Variants in ANKFN1 observed in about 807,000 individuals in gnomAD.
The protein encoded by ANKFN1 is ankyrin repeat and fibronectin type-III domain-containing protein 1.
ANKFN1 carries 74 observed loss-of-function variants against 108.7 expected under a neutral mutation model. The observed-to-expected ratio is 0.68, with a 90% confidence interval of 0.56 to 0.83. The LOEUF (loss-of-function observed/expected upper bound fraction) is 0.83, where lower values mean the gene tolerates loss of function less well. ANKFN1 is among the 40% of genes least tolerant of loss of function. ANKFN1 has a pLI of 0.00. For missense variants in ANKFN1, 1,505 were observed against 1,382.3 expected, an observed-to-expected ratio of 1.09 and a Z score of -1.41; for synonymous variants, 547 against 516.2, an observed-to-expected ratio of 1.06 and a Z score of -0.81.
chr17:56,197,121 C>G (rs947457933), intron 1 of ANKFN1, among the ~76,000 whole-genome samples: 2 of 152,204 alleles, frequency 1.3e-5, no homozygotes, highest in African/African-American at 4.8e-5. Context: ...TATTAGGTTT[C>G]ATTTTATGAC....
intron 3 of ANKFN1, among the ~76,000 whole-genome samples, chr17:56,283,402 G>T (rs1371326669): frequency 2.0e-5 from 3 of 152,028 alleles, no homozygotes; most frequent in African/African-American, 7.3e-5. Context: ...CAGAGGAAAA[G>T]AAGTCATTAT....
intron 1 of ANKFN1, among the ~76,000 whole-genome samples, chr17:56,190,757 C>A (rs1306353791): frequency 2.1e-5 from 3 of 145,546 alleles, no homozygotes; most frequent in East Asian, 4.1e-4. Context: ...AGTTCAATTC[C>A]TGGGTATCTT....
At chr17:56,071,632 G>T (rs1239795725) in intron 4 of ANKFN1, among the ~76,000 whole-genome samples, 1 of 152,040 alleles carries the variant, frequency 6.6e-6, no homozygotes. Flanking sequence ...TTGTTTGTTT[G>T]TTTGTTTGTT....
At chr17:56,143,646 A>G (rs1908059169) in intron 4 of ANKFN1, among the ~76,000 whole-genome samples, 1 of 152,208 alleles carries the variant, frequency 6.6e-6, no homozygotes, top group Admixed American at 6.5e-5. Context: ...ATATTTGCAG[A>G]TATAATTAAG....
At chr17:56,504,465 T>C (rs1172134486) in intron 20 of ANKFN1, among the ~76,000 whole-genome samples, 1 of 152,194 alleles carries the variant, frequency 6.6e-6, no homozygotes, top group Non-Finnish European at 1.5e-5. Context: ...GGAAATCTAC[T>C]GGACTAGATC....
chr17:56,284,255 G>A (rs1369276500), intron 3 of ANKFN1, among the ~76,000 whole-genome samples: 2 of 152,094 alleles, frequency 1.3e-5, no homozygotes, highest in Non-Finnish European at 2.9e-5. Flanking sequence ...AAATTTCTGT[G>A]GGAAAATTGG....
chr17:56,061,528 C>A (rs977012843), intron 4 of ANKFN1, among the ~76,000 whole-genome samples: 10 of 152,064 alleles, frequency 6.6e-5, no homozygotes, highest in Non-Finnish European at 1.5e-4. Flanking sequence ...CCACCTTGGC[C>A]TCCCAAAGTG....
chr17:56,058,152 TAA>T (rs1344593157), intron 4 of ANKFN1, among the ~76,000 whole-genome samples: 2 of 152,356 alleles, frequency 1.3e-5, no homozygotes, highest in East Asian at 3.9e-4. Context: ...GGCTTCAACT[TAA>T]AGTCACCAGC....
intron 4 of ANKFN1, among the ~76,000 whole-genome samples, chr17:56,108,325 C>T (rs983598809): frequency 2.0e-5 from 3 of 152,170 alleles, no homozygotes; most frequent in Admixed American, 6.5e-5. Flanking sequence ...TGAGCCACGG[C>T]GCCTGGCCTC....
At chr17:56,188,573 GTGTGTGTGTATATATA>G (rs1245400468) in intron 1 of ANKFN1, among the ~76,000 whole-genome samples, 1 of 95,480 alleles carries the variant, frequency 1.0e-5, no homozygotes, top group Non-Finnish European at 2.0e-5. Flanking sequence ...ATGTGTGTGT[GTGTGTGTGTATATATA>G]TATATATATA....
At chr17:56,349,112 C>A (rs1394207150) in intron 4 of ANKFN1, among the ~76,000 whole-genome samples, 3 of 152,118 alleles carry the variant, frequency 2.0e-5, no homozygotes, top group Non-Finnish European at 4.4e-5. Flanking sequence ...TTAGCCTCAG[C>A]AAACTAATGC....
chr17:56,121,581 A>G (rs1906623204), intron 4 of ANKFN1, among the ~76,000 whole-genome samples: 1 of 151,982 alleles, frequency 6.6e-6, no homozygotes, highest in Non-Finnish European at 1.5e-5. Context: ...TCAAAGAAGG[A>G]CAGTGACCAA....
At chr17:56,104,052 A>G (rs1905697262) in intron 4 of ANKFN1, among the ~76,000 whole-genome samples, 1 of 152,218 alleles carries the variant, frequency 6.6e-6, no homozygotes, top group African/African-American at 2.4e-5. Flanking sequence ...AGAGCAAGCC[A>G]TTGATATCCT....
intron 1 of ANKFN1, among the ~76,000 whole-genome samples, chr17:56,182,529 G>T (rs1158186791): frequency 6.6e-6 from 1 of 152,170 alleles, no homozygotes; most frequent in Non-Finnish European, 1.5e-5. Flanking sequence ...ATCTGGGAGA[G>T]GTGACAAAGC....
intron 1 of ANKFN1, among the ~76,000 whole-genome samples, chr17:56,162,832 T>A (rs1909785944): frequency 6.6e-6 from 1 of 152,046 alleles, no homozygotes; most frequent in Non-Finnish European, 1.5e-5. Flanking sequence ...GGTCAGGAGT[T>A]TGAGACCAGC....
intron 4 of ANKFN1, among the ~76,000 whole-genome samples, chr17:56,140,253 C>A (rs1907840880): frequency 6.6e-6 from 1 of 152,124 alleles, no homozygotes; most frequent in Non-Finnish European, 1.5e-5. Flanking sequence ...AGTTAGTCAC[C>A]AATTTGTGTC....
intron 4 of ANKFN1, among the ~76,000 whole-genome samples, chr17:56,082,277 GTT>G (rs369921918): frequency 0.085 from 10,615 of 125,074 alleles, 446 homozygotes; most frequent in Admixed American, 0.16. Flanking sequence ...TGTTGTTGTT[GTT>G]TTGTTTTGTT....
At chr17:56,188,019 TTG>T (rs1218809416) in intron 1 of ANKFN1, among the ~76,000 whole-genome samples, 2 of 152,110 alleles carry the variant, frequency 1.3e-5, no homozygotes, top group African/African-American at 2.4e-5. Flanking sequence ...AACATGGCAC[TTG>T]TATACATATG....
chr17:56,349,369 A>C (rs374274497), intron 4 of ANKFN1, among the ~76,000 whole-genome samples: 6 of 149,140 alleles, frequency 4.0e-5, no homozygotes, highest in African/African-American at 1.2e-4. Context: ...CATCCTGCAC[A>C]TGTAGCCACG....
Sources: allele counts gnomAD v4.1 joint callset (sites outside exome capture counted in the v4.1 genomes callset), GRCh38; gene constraint gnomAD v4.1.1; transcripts MANE v1.5; gene names NCBI Gene and HGNC (gene_info 2026-07-23, HGNC 2026-07-21).